The following CHD2 variants were observed in gnomAD, a reference collection of about 807,000 sequenced individuals.
The protein encoded by CHD2 is ATP-dependent chromatin remodeler CHD2.
In CHD2, 28 loss-of-function variants were observed where a neutral mutation model predicts 243.9. The ratio of observed to expected loss-of-function variants is 0.11; its 90% CI spans 0.09 to 0.16. The LOEUF is 0.16. Among genes scored for constraint, CHD2 ranks in the 10% least tolerant of loss-of-function variants. The pLI is 1.00. For missense variants in CHD2, 1,386 were observed against 2,209.8 expected (o/e 0.63, Z 7.47); for synonymous variants, 775 against 779.0 (o/e 0.99, Z 0.09).
chr15:92,940,917 T>A (rs1325936281), intron 7 of CHD2, among the ~76,000 whole-genome samples: 10 of 113,864 alleles, frequency 8.8e-5, no homozygotes, highest in South Asian at 2.8e-4. Context: ...TATATATAAA[T>A]ATACATATAA....
chr15:92,980,650 C>T (rs1275904462), intron 22 of CHD2, among the ~76,000 whole-genome samples, 165 bp from the exon 23 acceptor site: 1 of 152,194 alleles, frequency 6.6e-6, no homozygotes, highest in African/African-American at 2.4e-5. Flanking sequence ...CCATCACAGA[C>T]TCATCCTGTA....
chr15:92,949,518 C>T (rs1393041475), intron 13 of CHD2, among the ~76,000 whole-genome samples: 1 of 152,132 alleles, frequency 6.6e-6, no homozygotes, highest in Non-Finnish European at 1.5e-5. Context: ...ATTCCCCTCC[C>T]TTCACTCCAC....
At chr15:92,921,895 T>A (rs1040781563) in intron 2 of CHD2, among the ~76,000 whole-genome samples, 2 of 152,198 alleles carry the variant, frequency 1.3e-5, no homozygotes, top group Non-Finnish European at 2.9e-5. Flanking sequence ...TTCCTATCAC[T>A]ATCCAGCTCT....
At chr15:92,915,102 C>G (rs993734565) in intron 2 of CHD2, 1 of 152,106 alleles carries the variant, frequency 6.6e-6, no homozygotes, top group East Asian at 1.9e-4. Context: ...TCCATAGATT[C>G]TGTTTAACAC....
intron 35 of CHD2, 91 bp downstream of exon 35, chr15:93,009,414 T>C: frequency 7.8e-7 from 1 of 1,287,384 alleles, no homozygotes; most frequent in Non-Finnish European, 1.1e-6. Flanking sequence ...CATAGCCACC[T>C]AAGAAATCTT....
intron 34 of CHD2, among the ~76,000 whole-genome samples, chr15:93,006,603 C>A (rs56245530): frequency 9.9e-5 from 15 of 152,042 alleles, no homozygotes; most frequent in Non-Finnish European, 1.6e-4. Flanking sequence ...CTGTGAGGTA[C>A]GTTAGTGTTT....
At chr15:93,013,940 A>AAG (rs2054425732) in intron 36 of CHD2, among the ~76,000 whole-genome samples, 1 of 147,756 alleles carries the variant, frequency 6.8e-6, no homozygotes, top group African/African-American at 2.6e-5. Context: ...AAAAAAAAAA[A>AAG]AAAAAAAAAA....
chr15:92,924,417 G>A lies in CHD2; in HGVS notation c.159G>A (p.Ser53=), dbSNP rs552271683. ...CAGGAAGTGGACATGGCAGCGAGTC[G>A]AACAGCAGCTCTGAATCTTCTGAGA... ...SDPGSGHGSE[S]NSSSESSESQ... is the part of the protein sequence containing the mutation. The change falls in exon 3 of 39, where the codon TCG becomes TCA. Residue 53 remains serine, a synonymous_variant. Transcript: ENST00000394196. 11 of 1,614,120 alleles carry A rather than the reference G, an allele frequency of 6.8e-6. No individual in the cohort carries two copies. The highest frequency in any genetic ancestry group is 4.0e-5 in the African/African-American group (3 of 75,044).
intron 34 of CHD2, among the ~76,000 whole-genome samples, chr15:93,005,418 C>A (rs945887492): frequency 6.6e-6 from 1 of 152,066 alleles, no homozygotes; most frequent in African/African-American, 2.4e-5. Context: ...GTCCCTTTGC[C>A]CCTGGCTGGA....
rs66638937 is a variant in CHD2, at chr15:92,906,664, CT to C, written c.62+5385del. On this transcript the variant is annotated intron_variant, in intron 2 of 38. Transcript: ENST00000394196. ...TAAATTTTTTCTTGCTATGAGCCAT[CT>C]TTTTTTTTTTTTTTTTTTTAAGATC... Among the ~76,000 whole-genome samples the C allele has an allele frequency of 8.8e-3, 1,129 of 128,810 alleles. 9 individuals are homozygous for C. Among genetic ancestry groups the C allele is most frequent in the African/African-American group, 0.021 (697 of 33,858 alleles). 84.5% of individuals were successfully genotyped at this position (128,810 alleles called of 152,430 possible).
chr15:92,971,722 G>C lies in CHD2; in HGVS notation c.2190-43G>C. 1.9e-6 allele frequency: 3 copies of C among 1,561,072 alleles called. No homozygotes were observed. The South Asian group carries it at 3.6e-5, about 19-fold the overall frequency. ...ACTCTTCTGGTACCTACAACTTTCT[G>C]TTTTTTTGTATCTAGTAGTATCATT... On this transcript the variant is annotated intron_variant, in intron 17 of 38. Coordinates refer to ENST00000394196, the MANE Select transcript of CHD2 (RefSeq NM_001271.4).
chr15:92,953,412 A>C lies in CHD2; in HGVS notation c.1558A>C (p.Ile520Leu). Residue 520 changes from isoleucine (I) to leucine (L), a missense_variant, in exon 14 of 39, where the codon ATA (isoleucine) becomes CTA (leucine). Ile to Leu is a conservative substitution (Grantham distance 5). Transcript: ENST00000394196. ...GGGCCTAGGAAAGACCATCCAGACC[A>C]TATCATTCCTCTCCTACCTGTTCCA... is the stretch of plus-strand genomic sequence containing the variant. Reference protein sequence around the residue: ...EMGLGKTIQTISFLSYLFHQH... With the variant: ...EMGLGKTIQTLSFLSYLFHQH... The C allele has an allele frequency of 6.2e-7, 1 of 1,614,152 alleles. No homozygotes were observed. Among genetic ancestry groups the C allele is most frequent in the Non-Finnish European group, 8.5e-7 (1 of 1,180,022 alleles).
intron 3 of CHD2, among the ~76,000 whole-genome samples, chr15:92,924,896 G>C (rs923692650): frequency 2.6e-5 from 4 of 152,110 alleles, no homozygotes; most frequent in Admixed American, 1.3e-4. Context: ...CGCCTCCCAG[G>C]TTCAAGTGAT....
At chr15:92,922,196 C>T (rs940915256) in intron 2 of CHD2, among the ~76,000 whole-genome samples, 1 of 152,148 alleles carries the variant, frequency 6.6e-6, no homozygotes, top group African/African-American at 2.4e-5. Flanking sequence ...GGATTGGAAT[C>T]CCGGCCCCTC....
chr15:92,965,565 CAAAAAAAAAAAAA>C (rs61447848), intron 16 of CHD2, among the ~76,000 whole-genome samples: 3 of 111,046 alleles, frequency 2.7e-5, no homozygotes, highest in Non-Finnish European at 1.7e-5. Context: ...ACTCTTTCTC[CAAAAAAAAAAAAA>C]AAAAAAAAAA....
intron 28 of CHD2, 72 bp downstream of exon 28, chr15:92,993,070 G>A (rs1461286090): frequency 1.0e-5 from 16 of 1,555,124 alleles, no homozygotes; most frequent in Admixed American, 7.0e-5. Context: ...GCTAAAGGGC[G>A]TTTTAAGGAC....
intron 14 of CHD2, chr15:92,953,866 A>G (rs2053584061): frequency 3.0e-6 from 1 of 334,294 alleles, no homozygotes. Context: ...ATTGCTTTAT[A>G]TGAGATAATA....
intron 36 of CHD2, among the ~76,000 whole-genome samples, chr15:93,014,166 C>G (rs1269073019): frequency 6.6e-6 from 1 of 151,906 alleles, no homozygotes; most frequent in Non-Finnish European, 1.5e-5. Context: ...AACAGTAATT[C>G]CCTTGCTGGT....
At chr15:92,950,178 A>G (rs2053534047) in intron 13 of CHD2, among the ~76,000 whole-genome samples, 1 of 152,242 alleles carries the variant, frequency 6.6e-6, no homozygotes, top group South Asian at 2.1e-4. Context: ...AGGACATAGA[A>G]TGTACTTATT....
Sources: gnomAD v4.1 joint callset for allele counts (sites outside exome capture counted in the v4.1 genomes callset) on GRCh38, gnomAD v4.1.1 for gene constraint, MANE v1.5 for transcripts, NCBI Gene and HGNC (gene_info 2026-07-23, HGNC 2026-07-21) for gene names.